The following ANK2 variants were observed in gnomAD, a reference collection of about 807,000 sequenced individuals.
ANK2 encodes ankyrin 2, also known as ankyrin-2.
In ANK2, 83 loss-of-function variants were observed where a neutral mutation model predicts 360.5. The ratio of observed to expected loss-of-function variants is 0.23; its 90% CI spans 0.19 to 0.28. The LOEUF (loss-of-function observed/expected upper bound fraction) is 0.28. ANK2 is among the 10% of genes least tolerant of loss of function. The pLI is 1.00. For synonymous variants in ANK2, 1,740 were observed against 1,759.5 expected (o/e 0.99, Z 0.28); for missense variants, 4,201 against 4,795.7 (o/e 0.88, Z 3.66).
intron 2 of ANK2, among the ~76,000 whole-genome samples, chr4:113,041,286 C>G (rs2062883526): frequency 6.6e-6 from 1 of 152,140 alleles, no homozygotes. Context: ...CCCTGCATCT[C>G]TGGCATCTTC....
At chr4:113,032,335 ACT>A (rs2060592873) in intron 2 of ANK2, among the ~76,000 whole-genome samples, 1 of 144,412 alleles carries the variant, frequency 6.9e-6, no homozygotes, top group Non-Finnish European at 1.5e-5. Flanking sequence ...TGGGGCACAA[ACT>A]GTGTGGAGAG....
intron 1 of ANK2, among the ~76,000 whole-genome samples, chr4:112,879,870 C>T (rs1013799044): frequency 2.0e-5 from 3 of 152,104 alleles, no homozygotes; most frequent in Non-Finnish European, 4.4e-5. Flanking sequence ...TCTGTGTCTC[C>T]AGCCAGGAGA....
At chr4:113,339,365 C>T in intron 32 of ANK2, 43 bp downstream of exon 32, 1 of 1,530,140 alleles carries the variant, frequency 6.5e-7, no homozygotes, top group Non-Finnish European at 9.1e-7. Context: ...GATATGTTAC[C>T]CTCCAAAAAA....
At chr4:112,731,864 C>T in the ANK2 span, among the ~76,000 whole-genome samples, 1 of 152,170 alleles carries the variant, frequency 6.6e-6, no homozygotes, top group Non-Finnish European at 1.5e-5. Flanking sequence ...TTCACAGGCA[C>T]AATCATTGCA....
chr4:112,749,442 GT>G, the ANK2 span, among the ~76,000 whole-genome samples: 1 of 152,146 alleles, frequency 6.6e-6, no homozygotes, highest in Non-Finnish European at 1.5e-5. Flanking sequence ...GCAATCACTT[GT>G]TTATGGACCC....
the ANK2 span, chr4:112,738,716 G>C: frequency 3.3e-6 from 2 of 612,844 alleles, no homozygotes; most frequent in African/African-American, 3.7e-5. Context: ...TCATTAAAAA[G>C]AGAACCAAGA....
At chr4:112,893,580 A>G (rs1046414809) in intron 1 of ANK2, among the ~76,000 whole-genome samples, 1 of 152,256 alleles carries the variant, frequency 6.6e-6, no homozygotes, top group African/African-American at 2.4e-5. Context: ...ACACTGTCAT[A>G]ATAATGACCA....
At chr4:113,304,612 C>A (rs978032898) in intron 23 of ANK2, among the ~76,000 whole-genome samples, 3 of 152,066 alleles carry the variant, frequency 2.0e-5, no homozygotes, top group Non-Finnish European at 4.4e-5. Context: ...AAAAGTAATT[C>A]TTTTGTTAGT....
At chr4:113,200,947 T>G (rs1007460231) in intron 4 of ANK2, among the ~76,000 whole-genome samples, 27 of 152,202 alleles carry the variant, frequency 1.8e-4, no homozygotes, top group Admixed American at 2.0e-4. Flanking sequence ...GATGACGGGT[T>G]GATGGGTGCA....
At chr4:113,284,674 A>G (rs1420174026) in intron 18 of ANK2, among the ~76,000 whole-genome samples, 1 of 152,216 alleles carries the variant, frequency 6.6e-6, no homozygotes, top group African/African-American at 2.4e-5. Flanking sequence ...TCTTTATAAC[A>G]ATGATTTCAG....
chr4:113,242,053 C>T (rs2040239690), intron 8 of ANK2, 58 bp from the exon 9 acceptor site: 1 of 1,364,260 alleles, frequency 7.3e-7, no homozygotes, highest in African/African-American at 1.4e-5. Flanking sequence ...AACACAAAGG[C>T]ATCGCCATCA....
chr4:112,854,506 G>A (rs1334014942), intron 1 of ANK2, among the ~76,000 whole-genome samples: 1 of 152,186 alleles, frequency 6.6e-6, no homozygotes, highest in Non-Finnish European at 1.5e-5. Context: ...CAGGGAGGCA[G>A]GGACATGAGC....
chr4:113,357,008 C>T lies in ANK2; in HGVS notation c.8390C>T (p.Thr2797Ile). 1 of 1,614,034 alleles carries T rather than the reference C, an allele frequency of 6.2e-7. No individual in the cohort carries two copies. Among genetic ancestry groups the T allele is most frequent in the Non-Finnish European group, 8.5e-7 (1 of 1,179,968 alleles). Residue 2797 changes from threonine to isoleucine, a missense_variant, in exon 38 of 46, where the codon ACT (threonine) becomes ATT (isoleucine). Thr to Ile is a moderately conservative substitution (Grantham distance 89). This residue lies in a region of ANK2 where 2,642 missense variants were observed against 2,714.5 expected (regional missense o/e 0.97). Coordinates refer to ENST00000357077, the MANE Select transcript of ANK2 (RefSeq NM_001148.6). ...APVSSGLQSP[T>I]GDDVDEQPVI... Reference sequence around the variant, plus strand: ...GTCTCTTCAGGTCTACAGAGTCCGACTGGTGATGATGTTGATGAACAGCCA... The same window carrying T: ...GTCTCTTCAGGTCTACAGAGTCCGATTGGTGATGATGTTGATGAACAGCCA...
intron 1 of ANK2, among the ~76,000 whole-genome samples, chr4:113,068,333 A>C (rs2076332706): frequency 6.6e-6 from 1 of 152,208 alleles, no homozygotes; most frequent in South Asian, 2.1e-4. Context: ...TGACTTTGTT[A>C]AGTTTAAATG....
rs566188602 is a variant in ANK2, at chr4:113,085,582, C to T, written c.84+35770C>T. ...TCGGCCTCCCAAAGTGCTGGGATTACAGACGTGAGCCACCGCGCCCGGCCT... is the reference window on the plus strand; with the variant it reads ...TCGGCCTCCCAAAGTGCTGGGATTATAGACGTGAGCCACCGCGCCCGGCCT... On this transcript the variant is annotated intron_variant, in intron 1 of 45. Transcript: ENST00000357077. Among the ~76,000 whole-genome samples the T allele has an allele frequency of 5.3e-5, 8 of 152,252 alleles. No homozygotes were observed. The East Asian group carries it at 1.5e-3, about 29-fold the overall frequency.
intron 2 of ANK2, among the ~76,000 whole-genome samples, chr4:113,038,011 A>C (rs529446390): frequency 6.6e-6 from 1 of 152,146 alleles, no homozygotes; most frequent in Non-Finnish European, 1.5e-5. Context: ...CTTGCACTAC[A>C]TGTGTCCCTT....
intron 2 of ANK2, among the ~76,000 whole-genome samples, chr4:113,012,065 T>G (rs2054923751): frequency 6.6e-6 from 1 of 152,092 alleles, no homozygotes; most frequent in Non-Finnish European, 1.5e-5. Flanking sequence ...GTCCTGGTTG[T>G]TTTTCACTTT....
chr4:112,812,831 G>A, the ANK2 span, among the ~76,000 whole-genome samples: 1 of 152,172 alleles, frequency 6.6e-6, no homozygotes, highest in East Asian at 1.9e-4. Flanking sequence ...CTTGCTTTCT[G>A]CTATAAGACA....
intron 1 of ANK2, among the ~76,000 whole-genome samples, chr4:112,888,123 G>C (rs2078935242): frequency 6.6e-6 from 1 of 152,066 alleles, no homozygotes; most frequent in African/African-American, 2.4e-5. Context: ...TTTAAAGATG[G>C]TTTTAGCTGT....
Sources: gnomAD v4.1 joint callset for allele counts (sites outside exome capture counted in the v4.1 genomes callset) on GRCh38, gnomAD v4.1.1 for gene constraint, gnomAD v4.1.1 regional missense constraint, MANE v1.5 for transcripts, NCBI Gene and HGNC (gene_info 2026-07-23, HGNC 2026-07-21) for gene names.